Variants in EFNA5 observed in about 807,000 individuals in gnomAD.
EFNA5 encodes the protein ephrin-A5.
EFNA5 carries 5 observed loss-of-function variants against 22.9 expected under a neutral mutation model. That is an observed-to-expected ratio of 0.22 (90% CI 0.11 to 0.46). The LOEUF (loss-of-function observed/expected upper bound fraction) is 0.46, where lower values mean the gene tolerates loss of function less well. Ranked by LOEUF, EFNA5 falls within the 20% of genes least tolerant of loss-of-function variation. The pLI, the probability that EFNA5 is intolerant of heterozygous loss-of-function variation, is 0.99. For synonymous variants in EFNA5, 113 were observed against 112.2 expected, an observed-to-expected ratio of 1.01 and a Z score of -0.04; for missense variants, 237 against 293.3, an observed-to-expected ratio of 0.81 and a Z score of 1.40.
At chr5:107,466,134 G>A (rs1440164943) in intron 1 of EFNA5, among the ~76,000 whole-genome samples, 1 of 152,070 alleles carries the variant, frequency 6.6e-6, no homozygotes, top group Non-Finnish European at 1.5e-5. Flanking sequence ...TTCCAAAGAC[G>A]GTGCTCGAGT....
At chr5:107,426,693 C>T (rs772049523) in intron 2 of EFNA5, among the ~76,000 whole-genome samples, 3 of 152,200 alleles carry the variant, frequency 2.0e-5, no homozygotes, top group Admixed American at 1.3e-4. Context: ...CACTTCTTCA[C>T]AAGTCTTTCC....
intron 1 of EFNA5, among the ~76,000 whole-genome samples, chr5:107,513,005 C>G (rs999304567): frequency 4.6e-5 from 7 of 152,108 alleles, no homozygotes; most frequent in Non-Finnish European, 8.8e-5. Flanking sequence ...AGGCTCTGCC[C>G]CTTCCTGATG....
intron 4 of EFNA5, among the ~76,000 whole-genome samples, chr5:107,384,109 G>A (rs769130044): frequency 6.6e-6 from 1 of 152,182 alleles, no homozygotes; most frequent in Non-Finnish European, 1.5e-5. Context: ...GAAACTGGCT[G>A]TCATTTGGGT....
chr5:107,532,409 C>T (rs1446435480), intron 1 of EFNA5, among the ~76,000 whole-genome samples: 1 of 152,222 alleles, frequency 6.6e-6, no homozygotes, highest in African/African-American at 2.4e-5. Context: ...CTCCTCTTCA[C>T]AACTGTCCAG....
chr5:107,668,608 G>A (rs1751120944), intron 1 of EFNA5, among the ~76,000 whole-genome samples: 1 of 152,078 alleles, frequency 6.6e-6, no homozygotes, highest in South Asian at 2.1e-4. Flanking sequence ...CTTGGTGTGG[G>A]AAAGAAAAGA....
chr5:107,427,057 C>G (rs1748827799), intron 2 of EFNA5, 160 bp downstream of exon 2: 1 of 752,814 alleles, frequency 1.3e-6, no homozygotes, highest in Admixed American at 2.6e-5. Context: ...TTTGTGCTCT[C>G]AATTCCCAGC....
At chr5:107,420,399 AT>A (rs1220330495) in intron 2 of EFNA5, among the ~76,000 whole-genome samples, 1 of 151,924 alleles carries the variant, frequency 6.6e-6, no homozygotes, top group Non-Finnish European at 1.5e-5. Context: ...TATTACACCC[AT>A]TTTACAGATG....
At chr5:107,501,493 T>TTGG (rs2112425743) in intron 1 of EFNA5, among the ~76,000 whole-genome samples, 1 of 90,254 alleles carries the variant, frequency 1.1e-5, no homozygotes, top group African/African-American at 6.8e-5. Context: ...CTTAATCAGT[T>TTGG]TGGCAATAAA....
intron 1 of EFNA5, among the ~76,000 whole-genome samples, chr5:107,606,074 T>C (rs918769747): frequency 3.9e-5 from 6 of 152,206 alleles, no homozygotes; most frequent in African/African-American, 1.4e-4. Context: ...TCCAAATCAA[T>C]GCAGCATGAC....
rs115686238 is a variant in EFNA5, at chr5:107,546,103, C to T, written c.126-118594G>A. 9.4e-3 allele frequency among the ~76,000 whole-genome samples: 1,435 copies of T among 152,134 alleles called. 23 individuals carry two copies. The highest frequency in any genetic ancestry group is 0.032 in the African/African-American group (1,335 of 41,506). Reference sequence around the variant, plus strand: ...GGGGCTGTTTTCCATTTCCCTTAAGCGATATCAAAAGTTGTATTTTTTCAA... The same window carrying T: ...GGGGCTGTTTTCCATTTCCCTTAAGTGATATCAAAAGTTGTATTTTTTCAA... On this transcript the variant is annotated intron_variant, in intron 1 of 4. Transcript: ENST00000333274.
At chr5:107,589,833 G>C (rs932791212) in intron 1 of EFNA5, among the ~76,000 whole-genome samples, 14 of 152,216 alleles carry the variant, frequency 9.2e-5, no homozygotes, top group African/African-American at 3.4e-4. Context: ...GTTCCACTGA[G>C]TTTTACCCGT....
chr5:107,598,392 A>C (rs1356657111), intron 1 of EFNA5, among the ~76,000 whole-genome samples: 2 of 152,190 alleles, frequency 1.3e-5, no homozygotes, highest in Admixed American at 6.5e-5. Context: ...ATAAGCAAAA[A>C]ACTAAATTTC....
intron 1 of EFNA5, among the ~76,000 whole-genome samples, chr5:107,668,983 T>A (rs1349366535): frequency 6.6e-6 from 1 of 152,142 alleles, no homozygotes; most frequent in Non-Finnish European, 1.5e-5. Flanking sequence ...TCTCCACTCC[T>A]GTTCAGCGGT....
chr5:107,468,036 G>A (rs565155350), intron 1 of EFNA5, among the ~76,000 whole-genome samples: 1 of 152,066 alleles, frequency 6.6e-6, no homozygotes, highest in Non-Finnish European at 1.5e-5. Flanking sequence ...ATCACACTTC[G>A]TTTAATGCTC....
intron 1 of EFNA5, among the ~76,000 whole-genome samples, chr5:107,550,788 C>G (rs1038149377): frequency 5.3e-5 from 8 of 152,038 alleles, no homozygotes; most frequent in Non-Finnish European, 1.2e-4. Flanking sequence ...TCTAGAAGTC[C>G]TTAGAATATT....
intron 1 of EFNA5, among the ~76,000 whole-genome samples, chr5:107,448,354 C>T (rs1046408535): frequency 1.8e-4 from 28 of 152,066 alleles, no homozygotes; most frequent in African/African-American, 6.5e-4. Flanking sequence ...TTGTAGAGGC[C>T]CTATTGAATG....
At chr5:107,426,579 C>T (rs1748815056) in intron 2 of EFNA5, among the ~76,000 whole-genome samples, 1 of 152,180 alleles carries the variant, frequency 6.6e-6, no homozygotes, top group African/African-American at 2.4e-5. Flanking sequence ...CTGATTAATA[C>T]AGAAGTCTAC....
In EFNA5 at chr5:107,543,365, T is replaced by A. The variant is rs190457261; in HGVS notation, c.126-115856A>T. ...AGGAGACATTTCAATTTAAGTGACGTTGTCAATCATTTTCTTTTTCAAATA... is the reference window on the plus strand; with the variant it reads ...AGGAGACATTTCAATTTAAGTGACGATGTCAATCATTTTCTTTTTCAAATA... On this transcript the variant is annotated intron_variant, in intron 1 of 4. Transcript: ENST00000333274. Among the ~76,000 whole-genome samples, 379 of 152,354 alleles carry A rather than the reference T, an allele frequency of 2.5e-3. 1 individual carries two copies. Among genetic ancestry groups the A allele is most frequent in the African/African-American group, 7.0e-3 (293 of 41,584 alleles).
intron 1 of EFNA5, among the ~76,000 whole-genome samples, chr5:107,521,461 T>TAC (rs1747594104): frequency 7.8e-6 from 1 of 127,822 alleles, no homozygotes; most frequent in Non-Finnish European, 1.5e-5. Context: ...CCTGGCTATA[T>TAC]ATATATATAT....
Sources: allele counts gnomAD v4.1 joint callset (sites outside exome capture counted in the v4.1 genomes callset), GRCh38; gene constraint gnomAD v4.1.1; transcripts MANE v1.5; gene names NCBI Gene and HGNC (gene_info 2026-07-23, HGNC 2026-07-21).